The following PAQR9 variants were observed in gnomAD, a reference collection of about 807,000 sequenced individuals.
The protein encoded by PAQR9 is progestin and adipoQ receptor family member 9.
In PAQR9, 12 loss-of-function variants were observed where a neutral mutation model predicts 24.0. The observed-to-expected ratio is 0.50, with a 90% CI of 0.32 to 0.81. PAQR9 has a LOEUF of 0.81. Among genes scored for constraint, PAQR9 ranks in the 30% least tolerant of loss-of-function variants. PAQR9 has a pLI of 0.03. For synonymous variants in PAQR9, 266 were observed against 237.6 expected, an observed-to-expected ratio of 1.12 and a Z score of -1.10; for missense variants, 418 against 520.8, an observed-to-expected ratio of 0.80 and a Z score of 1.92.
Position 142,956,814 on chromosome 3 carries a change from C to T in PAQR9, c.*5389G>A, listed in dbSNP as rs1426792625. ...ACAGTTATCCTTTTTTAAATGACAACAACAGAAATTTATATTAGCTTTTGG... is the reference window on the plus strand; with the variant it reads ...ACAGTTATCCTTTTTTAAATGACAATAACAGAAATTTATATTAGCTTTTGG... On this transcript the variant is annotated 3_prime_UTR_variant, in exon 1 of 1. Coordinates refer to ENST00000340634, the MANE Select transcript of PAQR9 (RefSeq NM_198504.4). 6.6e-6 allele frequency among the ~76,000 whole-genome samples: 1 copy of T among 152,250 alleles called. No homozygotes were observed. Among genetic ancestry groups the T allele is most frequent in the African/African-American group, 2.4e-5 (1 of 41,556 alleles).
chr3:142,954,006 G>A (rs1377754815), downstream of PAQR9, among the ~76,000 whole-genome samples: 1 of 152,168 alleles, frequency 6.6e-6, no homozygotes, highest in East Asian at 1.9e-4. Flanking sequence ...CCTTCCTGAG[G>A]CCTGGGTGGT....
chr3:142,949,233 G>T, exon 3 of PAQR9: 1 of 152,126 alleles, frequency 6.6e-6, no homozygotes, highest in Non-Finnish European at 1.5e-5. Context: ...TGTACTTTAT[G>T]ACATTTCTGT....
Position 142,961,887 on chromosome 3 carries a change from CTT to C in PAQR9, c.*314_*315del, listed in dbSNP as rs1306817533. 5.7e-6 allele frequency: 2 copies of C among 353,462 alleles called. No individual in the cohort carries two copies. The highest frequency in any genetic ancestry group is 2.1e-5 in the African/African-American group (1 of 46,750). The allele number at this position is 353,462 out of a possible 1,614,324, so 21.9% of individuals were successfully genotyped here. Reference sequence around the variant, plus strand: ...GCACAGATGATTGGAAAAGCAAACTCTTTGGGGCTTTATTTGGGATTTTACTC... The same window carrying C: ...GCACAGATGATTGGAAAAGCAAACTCTGGGGCTTTATTTGGGATTTTACTC... On this transcript the variant is annotated 3_prime_UTR_variant, in exon 1 of 1. Transcript: ENST00000340634.
At position 142,962,902 on chromosome 3, in the gene PAQR9, C is replaced by T; in HGVS notation, c.435G>A (p.Leu145=). Residue 145 remains leucine (L), a synonymous_variant, in exon 1 of 1, where the codon CTG becomes CTA. Coordinates refer to ENST00000340634, the MANE Select transcript of PAQR9 (RefSeq NM_198504.4). Reference sequence around the variant, plus strand: ...AGAAGGCGGCGCGCAGACGCAGCGACAGGCAGCTGAACACGTGCGCCGTGC... The same window carrying T: ...AGAAGGCGGCGCGCAGACGCAGCGATAGGCAGCTGAACACGTGCGCCGTGC... ...MSCTAHVFSC[L]SLRLRAAFFY... 1 of 1,613,866 alleles carries T rather than the reference C, an allele frequency of 6.2e-7. No homozygotes were observed.
downstream of PAQR9, chr3:142,951,565 G>T (rs1934711421): frequency 2.7e-6 from 1 of 376,544 alleles, no homozygotes; most frequent in Non-Finnish European, 5.2e-6. Context: ...GAAGCTAGTT[G>T]GTGCTAAAGG....
Position 142,962,482 on chromosome 3 carries a change from C to G in PAQR9, c.855G>C (p.Val285=), listed in dbSNP as rs777859376. 1 of 1,613,060 alleles carries G rather than the reference C, an allele frequency of 6.2e-7. No homozygotes were observed. Among genetic ancestry groups the G allele is most frequent in the East Asian group, 2.2e-5 (1 of 44,886 alleles). ...VHFYRRYFWL[V]VAAFFNVSKI... ...TGCTCACGTTGAAGAAGGCGGCCAC[C>G]ACCAGCCAGAAGTAGCGGCGGTAGA... Residue 285 remains valine, a synonymous_variant, in exon 1 of 1, where the codon GTG becomes GTC. Transcript: ENST00000340634.
In PAQR9 at chr3:142,963,592, C is replaced by T. The variant is rs1217149338; in HGVS notation, c.-256G>A. ...AGGCTCAGCGGCTTCCTCGCCAAGCCCCTGCTACCGGCGCGCGGCCGCCCG... is the reference window on the plus strand; with the variant it reads ...AGGCTCAGCGGCTTCCTCGCCAAGCTCCTGCTACCGGCGCGCGGCCGCCCG... On this transcript the variant is annotated 5_prime_UTR_variant, in exon 1 of 1. Transcript: ENST00000340634. 2.3e-6 allele frequency: 2 copies of T among 880,852 alleles called. No individual in the cohort carries two copies. Among genetic ancestry groups the T allele is most frequent in the African/African-American group, 3.6e-5 (2 of 54,824 alleles). 54.6% of individuals were successfully genotyped at this position (880,852 alleles called of 1,614,324 possible). A position where few individuals can be genotyped will look rare whatever the true frequency, so the allele number is the denominator to read the frequency against.
At chr3:142,950,731 T>A (rs1934700989), downstream of PAQR9, among the ~76,000 whole-genome samples, 1 of 152,170 alleles carries the variant, frequency 6.6e-6, no homozygotes, top group South Asian at 2.1e-4. Flanking sequence ...TGGATTGCAG[T>A]CCCACCAAGC....
At chr3:142,950,245 T>G (rs547170657), downstream of PAQR9, 2 of 99,976 alleles carry the variant, frequency 2.0e-5, no homozygotes, top group Non-Finnish European at 3.8e-5. Context: ...TTGGTAAGCC[T>G]TGTAATTTTT....
Position 142,962,216 on chromosome 3 carries a change from C to G in PAQR9, c.1121G>C (p.Cys374Ser), listed in dbSNP as rs1934906137. The G allele has an allele frequency of 6.2e-7, 1 of 1,613,664 alleles. No individual in the cohort carries two copies. The change falls in exon 1 of 1, where the codon TGC becomes TCC. Residue 374 changes from cysteine (C) to serine (S), a missense_variant. Cys to Ser is a moderately radical substitution (Grantham distance 112). Transcript: ENST00000340634. ...IRKFLNSSEF[C>S]SKK ...CAAGGCGGAGGCTCACTTTTTACTG[C>G]AGAATTCGGAGCTGTTTAGGAACTT...
rs1273112642 is a variant in PAQR9, at chr3:142,962,326, G to A, written c.1011C>T (p.Leu337=). 1.2e-6 allele frequency: 2 copies of A among 1,613,974 alleles called. No homozygotes were observed. The highest frequency in any genetic ancestry group is 1.3e-5 in the African/African-American group (1 of 74,944). The change falls in exon 1 of 1, where the codon CTC becomes CTT. Residue 337 remains leucine, a synonymous_variant. Coordinates refer to ENST00000340634, the MANE Select transcript of PAQR9 (RefSeq NM_198504.4). ...AAGTGGGTGCGGCAGGCGGCGCCTG[G>A]AGGAACTGGCGCAGGCCCTCTTCTA... ...YYVEEGLRQF[L]QAPPAAPTFS...
chr3:142,952,899 G>A (rs1472411438), downstream of PAQR9: 2 of 456,486 alleles, frequency 4.4e-6, no homozygotes, highest in Non-Finnish European at 8.8e-6. Flanking sequence ...CTCCAATACA[G>A]AGCAGATGAA....
Position 142,963,232 on chromosome 3 carries a change from C to T in PAQR9, c.105G>A (p.Arg35=), listed in dbSNP as rs763997921. Residue 35 remains arginine, a synonymous_variant, in exon 1 of 1, where the codon CGG becomes CGA. Coordinates refer to ENST00000340634, the MANE Select transcript of PAQR9 (RefSeq NM_198504.4). ...GCGGCTTGGCAGACGCTGGGGGGTC[C>T]CGGGAGGCGGCAGAGTGGGAGTTCC... ...AARNSHSAAS[R]DPPASAKPLL... is the part of the protein sequence containing the mutation. 3 of 1,548,944 alleles carry T rather than the reference C, an allele frequency of 1.9e-6. No homozygotes were observed. Among genetic ancestry groups the T allele is most frequent in the Middle Eastern group, 3.4e-4 (2 of 5,932 alleles).
Position 142,963,638 on chromosome 3 carries a change from C to T in PAQR9, c.-302G>A. ...GCCCGCGCTGCGGCAGCGGCGGCGGCGCGGCTGACTGCGGCGGCAGCGCGG... is the reference window on the plus strand; with the variant it reads ...GCCCGCGCTGCGGCAGCGGCGGCGGTGCGGCTGACTGCGGCGGCAGCGCGG... On this transcript the variant is annotated 5_prime_UTR_variant, in exon 1 of 1. Coordinates refer to ENST00000340634, the MANE Select transcript of PAQR9 (RefSeq NM_198504.4). 2 of 667,906 alleles carry T rather than the reference C, an allele frequency of 3.0e-6. No individual in the cohort carries two copies. Among genetic ancestry groups the T allele is most frequent in the Non-Finnish European group, 1.8e-6 (1 of 542,058 alleles). The allele number at this position is 667,906 out of a possible 1,614,324, so 41.4% of individuals were successfully genotyped here. A position where few individuals can be genotyped will look rare whatever the true frequency, so the allele number is the denominator to read the frequency against.
At position 142,963,220 on chromosome 3, in the gene PAQR9, C is replaced by T. The variant is rs1267332390; in HGVS notation, c.117G>A (p.Ala39=). The change falls in exon 1 of 1, where the codon GCG becomes GCA. Residue 39 remains alanine, a synonymous_variant. Transcript: ENST00000340634. ...CCCAGCGCAGCAGCGGCTTGGCAGA[C>T]GCTGGGGGGTCCCGGGAGGCGGCAG... ...SHSAASRDPP[A]SAKPLLRWDE... 2.6e-6 allele frequency: 4 copies of T among 1,559,312 alleles called. No individual in the cohort carries two copies. The South Asian group carries it at 4.7e-5, about 18-fold the overall frequency.
chr3:142,952,930 T>C (rs1203886249), downstream of PAQR9: 1 of 453,232 alleles, frequency 2.2e-6, no homozygotes, highest in East Asian at 7.0e-5. Context: ...GGAACGTGAA[T>C]CTAAAAGCAA....
rs1257043622 is a variant in PAQR9, at chr3:142,957,022, A to T, written c.*5181T>A. On this transcript the variant is annotated 3_prime_UTR_variant, in exon 1 of 1. Coordinates refer to ENST00000340634, the MANE Select transcript of PAQR9 (RefSeq NM_198504.4). ...TGTCTAGGCTTGTTCGCTTTTTGTC[A>T]GGTGATATATGTCAGAGAATATTGA... is the stretch of plus-strand genomic sequence containing the variant. Among the ~76,000 whole-genome samples the T allele has an allele frequency of 6.6e-6, 1 of 152,214 alleles. No individual in the cohort carries two copies. Among genetic ancestry groups the T allele is most frequent in the Non-Finnish European group, 1.5e-5 (1 of 68,032 alleles).
In PAQR9 at chr3:142,962,009, C is replaced by A; in HGVS notation, c.*194G>T. ...CTATCTCCCTCCCGCTTGACCACCC[C>A]TGCCAACCTCCCTACTTCAAAGCCT... On this transcript the variant is annotated 3_prime_UTR_variant, in exon 1 of 1. Coordinates refer to ENST00000340634, the MANE Select transcript of PAQR9 (RefSeq NM_198504.4). The A allele has an allele frequency of 1.5e-6, 1 of 645,664 alleles. No individual in the cohort carries two copies. The allele number at this position is 645,664 out of a possible 1,614,324, so 40.0% of individuals were successfully genotyped here.
At chr3:142,954,305 C>G (rs1158933789), downstream of PAQR9, among the ~76,000 whole-genome samples, 5 of 152,212 alleles carry the variant, frequency 3.3e-5, no homozygotes, top group African/African-American at 9.7e-5. Context: ...GAAAACATTT[C>G]ATAACCTGGG....
Sources: gnomAD v4.1 joint callset for allele counts (sites outside exome capture counted in the v4.1 genomes callset) on GRCh38, gnomAD v4.1.1 for gene constraint, MANE v1.5 for transcripts, NCBI Gene and HGNC (gene_info 2026-07-23, HGNC 2026-07-21) for gene names.